Variants in MOV10L1 observed in about 807,000 individuals in gnomAD.
MOV10L1 encodes RNA helicase Mov10l1.
In MOV10L1, 110 loss-of-function variants were observed where a neutral mutation model predicts 143.8. The ratio of observed to expected loss-of-function variants is 0.76; its 90% CI spans 0.66 to 0.90. The LOEUF (loss-of-function observed/expected upper bound fraction) is 0.90, where lower values mean the gene tolerates loss of function less well. MOV10L1 is among the 40% of genes least tolerant of loss of function. The pLI, the probability that MOV10L1 is intolerant of heterozygous loss-of-function variation, is 0.00. For synonymous variants in MOV10L1, 593 were observed against 581.1 expected, an observed-to-expected ratio of 1.02 and a Z score of -0.29; for missense variants, 1,406 against 1,526.8, an observed-to-expected ratio of 0.92 and a Z score of 1.32.
chr22:50,111,860 TCTC>T (rs1354864961), intron 5 of MOV10L1, among the ~76,000 whole-genome samples: 2 of 152,136 alleles, frequency 1.3e-5, no homozygotes, highest in Non-Finnish European at 1.5e-5. Flanking sequence ...TTCTGAGACA[TCTC>T]CTCCATCAGT....
intron 15 of MOV10L1, among the ~76,000 whole-genome samples, chr22:50,138,426 C>A (rs1213175828): frequency 6.6e-6 from 1 of 151,916 alleles, no homozygotes; most frequent in South Asian, 2.1e-4. Flanking sequence ...GGCATGGTGG[C>A]ACACACCTGT....
intron 15 of MOV10L1, 68 bp downstream of exon 15, chr22:50,134,698 G>A: frequency 7.1e-7 from 1 of 1,409,208 alleles, no homozygotes; most frequent in Non-Finnish European, 1.0e-6. Context: ...CTTTACATAG[G>A]GGGTGGCTCA....
chr22:50,139,972 A>C (rs1038764494), intron 15 of MOV10L1, among the ~76,000 whole-genome samples: 1 of 152,158 alleles, frequency 6.6e-6, no homozygotes, highest in African/African-American at 2.4e-5. Context: ...CCTGCCATAC[A>C]ACCCAGCCAT....
At chr22:50,139,855 C>T (rs1406005052) in intron 15 of MOV10L1, among the ~76,000 whole-genome samples, 2 of 152,158 alleles carry the variant, frequency 1.3e-5, no homozygotes, top group Non-Finnish European at 2.9e-5. Context: ...TGAGTTGGGC[C>T]ATCTGCGCGT....
At chr22:50,117,532 C>G (rs2062216204) in intron 9 of MOV10L1, among the ~76,000 whole-genome samples, 181 bp downstream of exon 9, 1 of 152,136 alleles carries the variant, frequency 6.6e-6, no homozygotes, top group Admixed American at 6.5e-5. Flanking sequence ...CCACGGAGCT[C>G]TGAAGGTCAA....
At chr22:50,124,328 T>C (rs1240190167) in intron 10 of MOV10L1, among the ~76,000 whole-genome samples, 4 of 152,236 alleles carry the variant, frequency 2.6e-5, no homozygotes, top group Non-Finnish European at 4.4e-5. Flanking sequence ...TTTTTAGTTT[T>C]TCTTATGGGG....
chr22:50,091,934 G>C (rs1569261999), intron 1 of MOV10L1, 67 bp from the exon 2 acceptor site: 1 of 1,488,300 alleles, frequency 6.7e-7, no homozygotes, highest in Non-Finnish European at 9.1e-7. Context: ...GCCTTTCTCT[G>C]GTGGGGTTCA....
chr22:50,115,284 A>C, intron 8 of MOV10L1, 38 bp downstream of exon 8: 1 of 1,458,230 alleles, frequency 6.9e-7, no homozygotes, highest in Non-Finnish European at 9.0e-7. Flanking sequence ...CGCGTTTTTA[A>C]GTTTCTCTGA....
intron 12 of MOV10L1, among the ~76,000 whole-genome samples, chr22:50,127,563 G>C (rs747681166): frequency 1.3e-5 from 2 of 152,124 alleles, no homozygotes; most frequent in Non-Finnish European, 2.9e-5. Flanking sequence ...ACTCTCTGCT[G>C]GTGTCAGCCC....
At chr22:50,099,815 T>G (rs4838827) in intron 3 of MOV10L1, among the ~76,000 whole-genome samples, 34,058 of 151,952 alleles carry the variant, frequency 0.22, 4,177 homozygotes, top group Admixed American at 0.35. Context: ...CCTGTGTCTA[T>G]ATTTGTGATG....
rs376461872 is a variant in MOV10L1 at position 50,142,130 on chromosome 22, G to A, written c.2120G>A (p.Arg707His). The A allele has an allele frequency of 1.5e-5, 25 of 1,613,506 alleles. No individual in the cohort carries two copies. In the African/African-American group the frequency reaches 2.4e-4, roughly 16 times the overall value. ...DQAEHGTEERRVGDKDLPVLA... is the reference protein window; with the variant it reads ...DQAEHGTEERHVGDKDLPVLA... ...GCTGAGCATGGAACAGAGGAGAGGC[G>A]TGTTGGTGACAAGGACCTGCCGGTG... The change falls in exon 16 of 27, where the codon CGT becomes CAT. Residue 707 changes from arginine to histidine, a missense_variant. Transcript: ENST00000262794.
Position 50,099,559 on chromosome 22 carries a change from T to C in MOV10L1, c.399T>C (p.Cys133=). 6.2e-7 allele frequency: 1 copy of C among 1,614,152 alleles called. No homozygotes were observed. Among genetic ancestry groups the C allele is most frequent in the Non-Finnish European group, 8.5e-7 (1 of 1,179,990 alleles). The change falls in exon 3 of 27, where the codon TGT becomes TGC. Residue 133 remains cysteine (C), a synonymous_variant. Coordinates refer to ENST00000262794, the MANE Select transcript of MOV10L1 (RefSeq NM_018995.3). ...CVTSLVEGAG[C]ISQTTYFSLE... is the part of the protein sequence containing the mutation. ...CTTCCCTGGTGGAGGGCGCAGGCTGTATCAGTCAGACCACCTACTTCTCTC... is the reference window on the plus strand; with the variant it reads ...CTTCCCTGGTGGAGGGCGCAGGCTGCATCAGTCAGACCACCTACTTCTCTC...
intron 13 of MOV10L1, among the ~76,000 whole-genome samples, chr22:50,131,028 C>G (rs1200755546): frequency 6.6e-6 from 1 of 151,576 alleles, no homozygotes; most frequent in African/African-American, 2.4e-5. Flanking sequence ...TCCCGAGTAG[C>G]TGGGACTACA....
intron 2 of MOV10L1, chr22:50,095,163 CTG>C (rs2062557299): frequency 6.6e-6 from 1 of 152,228 alleles, no homozygotes; most frequent in African/African-American, 2.4e-5. Flanking sequence ...GGCTTAGAGA[CTG>C]TGAATGCAAA....
At position 50,160,906 on chromosome 22, in the gene MOV10L1, C is replaced by T. The variant is rs560673348; in HGVS notation, c.3463-58C>T. 528 of 1,613,032 alleles carry T rather than the reference C, an allele frequency of 3.3e-4. 1 individual carries two copies. The highest frequency in any genetic ancestry group is 3.9e-4 in the Non-Finnish European group (463 of 1,179,424). On this transcript the variant is annotated intron_variant, in intron 25 of 26. Transcript: ENST00000262794. ...CACTCGGGGTGAGACGTACGAGGCA[C>T]CAGGAGACATGGGGCCTTCACTTGC...
chr22:50,131,837 T>C (rs2062687170), intron 13 of MOV10L1, among the ~76,000 whole-genome samples: 1 of 152,234 alleles, frequency 6.6e-6, no homozygotes, highest in Non-Finnish European at 1.5e-5. Context: ...CAGGGTCTTA[T>C]TGTCTGTCTT....
intron 18 of MOV10L1, among the ~76,000 whole-genome samples, chr22:50,144,807 T>A (rs2063100040): frequency 6.6e-6 from 1 of 152,088 alleles, no homozygotes; most frequent in Admixed American, 6.5e-5. Flanking sequence ...GGTCTCGATC[T>A]CCTGACCTCA....
chr22:50,150,726 T>G lies in MOV10L1; in HGVS notation c.2728-9T>G. On this transcript the variant is annotated splice_polypyrimidine_tract_variant and intron_variant, in intron 20 of 26. Transcript: ENST00000262794. ...CCTGCATGAGCTGAGACGGGCCCTC[T>G]GTGTGCAGATCGTGCTGGCAGGAGA... The G allele has an allele frequency of 6.2e-7, 1 of 1,613,300 alleles. No homozygotes were observed. The highest frequency in any genetic ancestry group is 8.5e-7 in the Non-Finnish European group (1 of 1,179,672).
At position 50,130,719 on chromosome 22, in the gene MOV10L1, G is replaced by C. The variant is rs879447009; in HGVS notation, c.1910+2212G>C. 2.0e-4 allele frequency among the ~76,000 whole-genome samples: 31 copies of C among 152,284 alleles called. 1 individual carries two copies. In the Middle Eastern group the frequency reaches 0.01, roughly 50 times the overall value. On this transcript the variant is annotated intron_variant, in intron 13 of 26. Coordinates refer to ENST00000262794, the MANE Select transcript of MOV10L1 (RefSeq NM_018995.3). The stretch of plus-strand genomic sequence containing the variant: ...GGCTGGGACCACAGGGAGCAGCAGC[G>C]CTGGTAGAAGGCACACAGCCTCCAT...
Sources: allele counts gnomAD v4.1 joint callset (sites outside exome capture counted in the v4.1 genomes callset), GRCh38; gene constraint gnomAD v4.1.1; transcripts MANE v1.5; gene names NCBI Gene and HGNC (gene_info 2026-07-23, HGNC 2026-07-21).